Variants in GLP1R observed in about 807,000 individuals in gnomAD.
The protein encoded by GLP1R is glucagon-like peptide 1 receptor.
A neutral mutation model predicts 68.4 loss-of-function variants in GLP1R; 32 were observed. That is an observed-to-expected ratio of 0.47 (90% CI 0.35 to 0.63). The LOEUF (loss-of-function observed/expected upper bound fraction) is 0.63, where lower values mean the gene tolerates loss of function less well. GLP1R is among the 20% of genes least tolerant of loss of function. The probability of loss-of-function intolerance (pLI) is 0.00; values close to 1 mark genes in which losing one functional copy is unlikely to be tolerated. For missense variants in GLP1R, 502 were observed against 594.9 expected, an observed-to-expected ratio of 0.84 and a Z score of 1.62; for synonymous variants, 263 against 244.4, an observed-to-expected ratio of 1.08 and a Z score of -0.71.
chr6:39,070,348 TAATA>T (rs1423148870), intron 5 of GLP1R, among the ~76,000 whole-genome samples: 3 of 152,266 alleles, frequency 2.0e-5, no homozygotes, highest in African/African-American at 7.2e-5. Context: ...TTCCGTTGTA[TAATA>T]CAGCACAGTT....
intron 5 of GLP1R, among the ~76,000 whole-genome samples, chr6:39,068,237 G>T (rs143488595): frequency 6.6e-6 from 1 of 152,300 alleles, no homozygotes; most frequent in East Asian, 1.9e-4. Flanking sequence ...AATCTTCTTT[G>T]ACTCAGTGTC....
chr6:39,082,201 A>C (rs993175932), intron 12 of GLP1R, among the ~76,000 whole-genome samples: 15 of 152,112 alleles, frequency 9.9e-5, no homozygotes, highest in Admixed American at 9.2e-4. Flanking sequence ...TGGCCCTCAG[A>C]TCTCTAAATG....
At chr6:39,064,196 G>A (rs1768435574) in intron 3 of GLP1R, among the ~76,000 whole-genome samples, 1 of 151,592 alleles carries the variant, frequency 6.6e-6, no homozygotes, top group Admixed American at 6.6e-5. Flanking sequence ...GTAGAGATGG[G>A]GTTTCACCAT....
Position 39,086,174 on chromosome 6 carries a change from C to T in GLP1R, c.*101C>T. The T allele has an allele frequency of 1.9e-6, 1 of 513,622 alleles. No homozygotes were observed. The highest frequency in any genetic ancestry group is 3.8e-5 in the East Asian group (1 of 26,580). 31.8% of individuals were successfully genotyped at this position (513,622 alleles called of 1,614,324 possible). A position where few individuals can be genotyped will look rare whatever the true frequency, so the allele number is the denominator to read the frequency against. On this transcript the variant is annotated 3_prime_UTR_variant, in exon 13 of 13. Transcript: ENST00000373256. This position sits in a 1 kb window ranked among gnomAD's most constrained non-coding sequence, Gnocchi z 4.5. ...GGACAAGGGAAGGAAGGGACACACA[C>T]ACACACACACACACACACACACACA... is the stretch of plus-strand genomic sequence containing the variant.
intron 7 of GLP1R, among the ~76,000 whole-genome samples, chr6:39,076,054 G>A (rs747074156): frequency 3.3e-5 from 5 of 152,222 alleles, no homozygotes; most frequent in Non-Finnish European, 5.9e-5. Context: ...TTTTGAAAAG[G>A]CCTTGTTAAG....
chr6:39,075,992 C>G (rs554135098), intron 7 of GLP1R, among the ~76,000 whole-genome samples: 2 of 152,314 alleles, frequency 1.3e-5, no homozygotes, highest in South Asian at 2.1e-4. Flanking sequence ...AAAGATGAAG[C>G]CAGCAGGGAG....
At position 39,079,978 on chromosome 6, in the gene GLP1R, G is replaced by A. The variant is rs1468194674; in HGVS notation, c.1182+276G>A. 6.6e-6 allele frequency among the ~76,000 whole-genome samples: 1 copy of A among 152,122 alleles called. No individual in the cohort carries two copies. Among genetic ancestry groups the A allele is most frequent in the African/African-American group, 2.4e-5 (1 of 41,426 alleles). On this transcript the variant is annotated intron_variant, in intron 11 of 12. Transcript: ENST00000373256. The surrounding 1 kb of genome is among the most constrained non-coding windows in gnomAD (Gnocchi z 4.5). ...TTGCAGCTGCCATCTACTTGGTGGCGAGCACCCTGCCAGGTGCTTTACATG... is the reference window on the plus strand; with the variant it reads ...TTGCAGCTGCCATCTACTTGGTGGCAAGCACCCTGCCAGGTGCTTTACATG...
At chr6:39,069,529 A>G (rs1414890746) in intron 5 of GLP1R, among the ~76,000 whole-genome samples, 1 of 150,658 alleles carries the variant, frequency 6.6e-6, no homozygotes, top group African/African-American at 2.4e-5. Context: ...GCTACTCGGG[A>G]GGCTGAGGCA....
At chr6:39,063,840 G>A (rs1768418371) in intron 3 of GLP1R, among the ~76,000 whole-genome samples, 1 of 151,466 alleles carries the variant, frequency 6.6e-6, no homozygotes, top group Non-Finnish European at 1.5e-5. Context: ...CTAGATGGTT[G>A]CCCCTGTCCT....
chr6:39,066,240 C>A lies in GLP1R; in HGVS notation c.446C>A (p.Thr149Lys). ...EQLLFLYIIY[T>K]VGYALSFSAL... ...CTCCTGTTCCTCTACATCATCTACA[C>A]GGTGGGCTACGCACTCTCCTTCTCT... Residue 149 changes from threonine to lysine, a missense_variant, in exon 5 of 13, where the codon ACG becomes AAG. By Grantham distance (78) the Thr-to-Lys change is moderately conservative. Coordinates refer to ENST00000373256, the MANE Select transcript of GLP1R (RefSeq NM_002062.5). 6.2e-7 allele frequency: 1 copy of A among 1,612,890 alleles called. No homozygotes were observed. Among genetic ancestry groups the A allele is most frequent in the South Asian group, 1.1e-5 (1 of 91,054 alleles).
In GLP1R at chr6:39,079,259, CAGAGAG is replaced by C. The variant is rs5875654; in HGVS notation, c.1043+71_1043+76del. 3.6e-6 allele frequency: 4 copies of C among 1,107,494 alleles called. No individual in the cohort carries two copies. Among genetic ancestry groups the C allele is most frequent in the Admixed American group, 1.7e-5 (1 of 58,262 alleles). The allele number at this position is 1,107,494 out of a possible 1,614,324, so 68.6% of individuals were successfully genotyped here. A position where few individuals can be genotyped will look rare whatever the true frequency, so the allele number is the denominator to read the frequency against. On this transcript the variant is annotated intron_variant, in intron 10 of 12. Coordinates refer to ENST00000373256, the MANE Select transcript of GLP1R (RefSeq NM_002062.5). The surrounding 1 kb of genome is among the most constrained non-coding windows in gnomAD (Gnocchi z 4.5). ...TCAGCAAGTGCCCCTTTCCTTCTAG[CAGAGAG>C]AGAGAGAGAGATCCTGGGATGCTTA...
Position 39,090,458 on chromosome 6 carries a change from C to T in GLP1R, c.*4385C>T, listed in dbSNP as rs1769254714. Among the ~76,000 whole-genome samples the T allele has an allele frequency of 6.6e-6, 1 of 152,136 alleles. No homozygotes were observed. Among genetic ancestry groups the T allele is most frequent in the Non-Finnish European group, 1.5e-5 (1 of 68,022 alleles). ...TCCAACTTCCCTCCCTGCACTCCTC[C>T]TCCCCGACAGCTGCCTCAGGAATAG... On this transcript the variant is annotated 3_prime_UTR_variant, in exon 13 of 13. Transcript: ENST00000373256.
rs772199865 is a variant in GLP1R at position 39,073,640 on chromosome 6, C to A, written c.694C>A (p.Leu232Ile). The change falls in exon 7 of 13, where the codon CTC (leucine) becomes ATC (isoleucine). Residue 232 changes from leucine to isoleucine, a missense_variant. By Grantham distance (5) the Leu-to-Ile change is conservative. Coordinates refer to ENST00000373256, the MANE Select transcript of GLP1R (RefSeq NM_002062.5). The stretch of plus-strand genomic sequence containing the variant: ...TCTGAGCTGCCGCCTGGTGTTTCTG[C>A]TCATGCAGTACTGTGTGGCGGCCAA... ...DSLSCRLVFL[L>I]MQYCVAANYY... 6.2e-7 allele frequency: 1 copy of A among 1,613,864 alleles called. No individual in the cohort carries two copies. The highest frequency in any genetic ancestry group is 8.5e-7 in the Non-Finnish European group (1 of 1,179,928).
chr6:39,054,525 T>C (rs923338292), intron 1 of GLP1R, among the ~76,000 whole-genome samples: 4 of 149,612 alleles, frequency 2.7e-5, no homozygotes, highest in Non-Finnish European at 5.9e-5. Flanking sequence ...AGTCTGAATA[T>C]AGTTTTATGT....
rs138277286 is a variant in GLP1R at position 39,075,887 on chromosome 6, A to G, written c.823+2118A>G. Among the ~76,000 whole-genome samples the G allele has an allele frequency of 3.9e-5, 6 of 152,264 alleles. No individual in the cohort carries two copies. In the East Asian group the frequency reaches 1.2e-3, roughly 30 times the overall value. On this transcript the variant is annotated intron_variant, in intron 7 of 12. Transcript: ENST00000373256. ...AGGCTGTGCAAGAGGGAGGCAAATG[A>G]TGGTTGAGGGAATCATTACTTCCTG...
chr6:39,065,653 C>T, intron 3 of GLP1R, 58 bp from the exon 4 acceptor site: 1 of 1,092,200 alleles, frequency 9.2e-7, no homozygotes. Flanking sequence ...GAGCATCTAG[C>T]ACTGGGCAGG....
At chr6:39,069,732 T>C (rs1346090693) in intron 5 of GLP1R, among the ~76,000 whole-genome samples, 9 of 152,082 alleles carry the variant, frequency 5.9e-5, no homozygotes. Context: ...TGTGGAAATA[T>C]AGACTTTTTT....
intron 2 of GLP1R, 64 bp from the exon 3 acceptor site, chr6:39,057,408 A>C: frequency 9.9e-7 from 1 of 1,013,880 alleles, no homozygotes; most frequent in Non-Finnish European, 1.6e-6. Flanking sequence ...GTCTTGGGGA[A>C]GGGAGGGAAA....
intron 5 of GLP1R, among the ~76,000 whole-genome samples, chr6:39,068,662 C>T (rs1334346113): frequency 4.6e-5 from 7 of 152,198 alleles, no homozygotes; most frequent in South Asian, 2.1e-4. Context: ...TCCAGAGGGA[C>T]GGCCTGAGTT....
Sources: gnomAD v4.1 joint callset for allele counts (sites outside exome capture counted in the v4.1 genomes callset) on GRCh38, gnomAD v4.1.1 for gene constraint, Gnocchi (gnomAD v3.1) non-coding constraint, MANE v1.5 for transcripts, NCBI Gene and HGNC (gene_info 2026-07-23, HGNC 2026-07-21) for gene names.